The following CREB1 variants were observed in gnomAD, a reference collection of about 807,000 sequenced individuals.
The protein encoded by CREB1 is cyclic AMP-responsive element-binding protein 1.
Under a neutral mutation model 42.0 loss-of-function variants are expected in CREB1, and 2 were observed. The ratio of observed to expected loss-of-function variants is 0.05; its 90% CI spans 0.02 to 0.15. CREB1 has a LOEUF of 0.15. Ranked by LOEUF, CREB1 falls within the 10% of genes least tolerant of loss-of-function variation. The pLI is 1.00. For missense variants in CREB1, 199 were observed against 388.9 expected, an observed-to-expected ratio of 0.51 and a Z score of 4.11; for synonymous variants, 123 against 139.9, an observed-to-expected ratio of 0.88 and a Z score of 0.85.
chr2:207,577,707 T>G, intron 7 of CREB1, 52 bp downstream of exon 7: 3 of 1,595,440 alleles, frequency 1.9e-6, no homozygotes, highest in Non-Finnish European at 2.6e-6. Context: ...TGTCTTCACA[T>G]TCTGCTGGAT....
Position 207,555,688 on chromosome 2 carries a change from C to T in CREB1, c.53C>T (p.Thr18Ile), listed in dbSNP as rs1248891864. 6 of 1,613,610 alleles carry T rather than the reference C, an allele frequency of 3.7e-6. No individual in the cohort carries two copies. The East Asian group carries it at 6.7e-5, about 18-fold the overall frequency. The change falls in exon 2 of 8, where the codon ACA becomes ATA. Residue 18 changes from threonine to isoleucine, a missense_variant. By Grantham distance (89) the Thr-to-Ile change is moderately conservative. This residue lies in a region of CREB1 where 53 missense variants were observed against 57.1 expected (regional missense o/e 0.93). Transcript: ENST00000353267. ...CAGCAGAGTGGAGATGCAGCTGTAA[C>T]AGAAGCTGAAAACCAACAAATGACA... ...ENQQSGDAAV[T>I]EAENQQMTVQ...
chr2:207,532,017 T>C (rs926336148), intron 1 of CREB1, among the ~76,000 whole-genome samples: 1 of 152,224 alleles, frequency 6.6e-6, no homozygotes, highest in Non-Finnish European at 1.5e-5. Context: ...TTTTCCTTTA[T>C]GTTGTTCCGC....
At chr2:207,532,249 G>C (rs556918818) in intron 1 of CREB1, among the ~76,000 whole-genome samples, 28 of 151,938 alleles carry the variant, frequency 1.8e-4, no homozygotes, top group African/African-American at 6.5e-4. Flanking sequence ...CAGCTACTCG[G>C]GGGGCTGGGG....
chr2:207,536,106 C>T (rs1253458890), intron 1 of CREB1, among the ~76,000 whole-genome samples: 1 of 152,114 alleles, frequency 6.6e-6, no homozygotes, highest in African/African-American at 2.4e-5. Context: ...AGCCACCATG[C>T]CCGAATGCTG....
At position 207,555,739 on chromosome 2, in the gene CREB1, C is replaced by G; in HGVS notation, c.104C>G (p.Thr35Arg). The G allele has an allele frequency of 2.5e-6, 4 of 1,609,642 alleles. No individual in the cohort carries two copies. Among genetic ancestry groups the G allele is most frequent in the Non-Finnish European group, 3.4e-6 (4 of 1,176,140 alleles). ...MTVQAQPQIA[T>R]LAQVSMPAAH... ...GTTCAAGCCCAGCCACAGATTGCCA[C>G]ATTAGCCCAGGTATAAAATACATGG... Residue 35 changes from threonine (T) to arginine (R), a missense_variant, in exon 2 of 8, where the codon ACA becomes AGA. Around this residue, in one of 4 missense-constraint regions of CREB1, gnomAD observed 53 missense variants for 57.1 expected, o/e 0.93. Transcript: ENST00000353267.
At chr2:207,567,216 G>A (rs958477455) in intron 3 of CREB1, among the ~76,000 whole-genome samples, 1 of 151,956 alleles carries the variant, frequency 6.6e-6, no homozygotes, top group Admixed American at 6.6e-5. Flanking sequence ...GATGCATTCA[G>A]GATTGATTAC....
chr2:207,532,700 TC>T (rs1411433700), intron 1 of CREB1, among the ~76,000 whole-genome samples: 2 of 152,090 alleles, frequency 1.3e-5, no homozygotes, highest in African/African-American at 2.4e-5. Context: ...ATAAGTTCTT[TC>T]TTTAGTCTTG....
chr2:207,543,294 C>G (rs533672526), intron 1 of CREB1, among the ~76,000 whole-genome samples: 1 of 152,074 alleles, frequency 6.6e-6, no homozygotes, highest in Non-Finnish European at 1.5e-5. Flanking sequence ...TACAGAGGCC[C>G]AGTTGTAACT....
chr2:207,576,839 T>G (rs2082617410), intron 6 of CREB1: 2 of 1,002,790 alleles, frequency 2.0e-6, no homozygotes, highest in Non-Finnish European at 2.4e-6. Flanking sequence ...TATTACGCTG[T>G]TTTTAGAAGC....
chr2:207,562,310 A>C (rs762103012), intron 3 of CREB1, among the ~76,000 whole-genome samples: 3 of 152,326 alleles, frequency 2.0e-5, no homozygotes, highest in Middle Eastern at 6.8e-3. Context: ...AGATCTTTCT[A>C]TAAAGAACAC....
chr2:207,605,533 AAG>A lies in CREB1; in HGVS notation c.*8477_*8478del, dbSNP rs2087940186. ...ATGTAATATGTACACTTCTAAAAAA[AAG>A]AAACATGGAAAAGGGCAAACTGTAA... is the stretch of plus-strand genomic sequence containing the variant. On this transcript the variant is annotated 3_prime_UTR_variant, in exon 8 of 8. Transcript: ENST00000353267. Among the ~76,000 whole-genome samples, 1 of 152,136 alleles carries A rather than the reference AAG, an allele frequency of 6.6e-6. No individual in the cohort carries two copies. Among genetic ancestry groups the A allele is most frequent in the African/African-American group, 2.4e-5 (1 of 41,358 alleles).
chr2:207,579,734 T>G (rs959393492), intron 7 of CREB1, among the ~76,000 whole-genome samples: 2 of 152,312 alleles, frequency 1.3e-5, no homozygotes, highest in Admixed American at 1.3e-4. Flanking sequence ...GTTACCAGAT[T>G]ACTGCTGCTT....
At chr2:207,539,898 A>G (rs955001709) in intron 1 of CREB1, among the ~76,000 whole-genome samples, 9 of 152,242 alleles carry the variant, frequency 5.9e-5, no homozygotes. Flanking sequence ...ATTGGTGAAG[A>G]AAGTATTAGA....
At chr2:207,590,623 G>C (rs1207378674) in intron 7 of CREB1, among the ~76,000 whole-genome samples, 1 of 151,828 alleles carries the variant, frequency 6.6e-6, no homozygotes, top group East Asian at 1.9e-4. Context: ...TAAGACAATA[G>C]TTGGATCAGT....
intron 5 of CREB1, among the ~76,000 whole-genome samples, chr2:207,572,231 A>G (rs2082395308): frequency 6.6e-6 from 1 of 151,672 alleles, no homozygotes; most frequent in African/African-American, 2.4e-5. Context: ...GTCTCAAAAA[A>G]AAAAAAAAAA....
Position 207,605,065 on chromosome 2 carries a change from C to T in CREB1, c.*8007C>T, listed in dbSNP as rs989038961. Among the ~76,000 whole-genome samples, 3 of 152,136 alleles carry T rather than the reference C, an allele frequency of 2.0e-5. No individual in the cohort carries two copies. Among genetic ancestry groups the T allele is most frequent in the Non-Finnish European group, 4.4e-5 (3 of 68,022 alleles). ...GTACAAGTATTTGAGTCCGTGTTTT[C>T]AATTATTTGGGGTATATGCCTGGGA... On this transcript the variant is annotated 3_prime_UTR_variant, in exon 8 of 8. Coordinates refer to ENST00000353267, the MANE Select transcript of CREB1 (RefSeq NM_004379.5).
At chr2:207,593,933 G>A (rs781117579) in intron 7 of CREB1, among the ~76,000 whole-genome samples, 60 of 152,022 alleles carry the variant, frequency 3.9e-4, no homozygotes, top group Non-Finnish European at 8.2e-4. Context: ...TGGCCAGGCT[G>A]GTCTCAAACT....
Position 207,597,854 on chromosome 2 carries a change from TTTAG to T in CREB1, c.*802_*805del, listed in dbSNP as rs1417858266. 5.2e-6 allele frequency: 1 copy of T among 192,088 alleles called. No homozygotes were observed. The highest frequency in any genetic ancestry group is 1.1e-5 in the Non-Finnish European group (1 of 91,982). 11.9% of individuals were successfully genotyped at this position (192,088 alleles called of 1,614,324 possible). A position where few individuals can be genotyped will look rare whatever the true frequency, so the allele number is the denominator to read the frequency against. On this transcript the variant is annotated 3_prime_UTR_variant, in exon 8 of 8. Transcript: ENST00000353267. ...AAGTAAATAAAAGTACAAAGCATAT[TTTAG>T]TTAGTACTAAATTCTTAGTAAAATG...
chr2:207,532,454 C>T (rs1015275741), intron 1 of CREB1, among the ~76,000 whole-genome samples: 1 of 151,954 alleles, frequency 6.6e-6, no homozygotes, highest in Non-Finnish European at 1.5e-5. Flanking sequence ...GCAGGCGGCT[C>T]ACGAGGTCAA....
Sources: allele counts gnomAD v4.1 joint callset (sites outside exome capture counted in the v4.1 genomes callset), GRCh38; gene constraint gnomAD v4.1.1; regional missense constraint gnomAD v4.1.1; transcripts MANE v1.5; gene names NCBI Gene and HGNC (gene_info 2026-07-23, HGNC 2026-07-21).